RNF227: variants seen among roughly 807,000 people sequenced by gnomAD.
RNF227 encodes the protein long intergenic non-protein coding RNA 2581.
RNF227 carries 8 observed loss-of-function variants against 4.9 expected under a neutral mutation model. The ratio of observed to expected loss-of-function variants is 1.65; its 90% CI spans 0.97 to 2.98. The LOEUF (loss-of-function observed/expected upper bound fraction) is 2.98, where lower values mean the gene tolerates loss of function less well. Among genes scored for constraint, RNF227 ranks in the 30% most tolerant of loss-of-function variants. RNF227 has a pLI of 0.00. For synonymous variants in RNF227, 63 were observed against 28.1 expected (o/e 2.25, Z -3.94); for missense variants, 136 against 65.4 (o/e 2.08, Z -3.72).
Position 7,913,351 on chromosome 17 carries a change from ATATT to A in RNF227, c.*2167_*2170del, listed in dbSNP as rs1456793283. 6.6e-6 allele frequency: 1 copy of A among 152,138 alleles called. No homozygotes were observed. The highest frequency in any genetic ancestry group is 1.5e-5 in the Non-Finnish European group (1 of 68,042). The allele number at this position is 152,138 out of a possible 1,614,324, so 9.4% of individuals were successfully genotyped here. A position where few individuals can be genotyped will look rare whatever the true frequency, so the allele number is the denominator to read the frequency against. ...AAAAAATAAGAGATAAAGCCAACAA[ATATT>A]TATTGAGTACATACTATACAGTAAC... is the stretch of plus-strand genomic sequence containing the variant. On this transcript the variant is annotated 3_prime_UTR_variant, in exon 2 of 2. Coordinates refer to ENST00000324348, the MANE Select transcript of RNF227 (RefSeq NM_001358699.2).
Position 7,915,384 on chromosome 17 carries a change from A to T in RNF227, c.*138T>A, listed in dbSNP as rs1367141599. The T allele has an allele frequency of 1.4e-6, 1 of 701,786 alleles. No individual in the cohort carries two copies. The highest frequency in any genetic ancestry group is 2.6e-6 in the Non-Finnish European group (1 of 384,784). 43.5% of individuals were successfully genotyped at this position (701,786 alleles called of 1,614,324 possible). On this transcript the variant is annotated 3_prime_UTR_variant, in exon 2 of 2. Transcript: ENST00000324348. ...CCCCAACTCAGCATCAACACCTCCC[A>T]GGGCGTTCCCTCCTGCCTTCGGCTC...
Sources: gnomAD v4.1 joint callset for allele counts on GRCh38, gnomAD v4.1.1 for gene constraint, MANE v1.5 for transcripts, NCBI Gene and HGNC (gene_info 2026-07-23, HGNC 2026-07-21) for gene names.